HEPH: variants seen among roughly 807,000 people sequenced by gnomAD.
The protein encoded by HEPH is hephaestin.
In HEPH, 69 loss-of-function variants were observed where a neutral mutation model predicts 80.8. The observed-to-expected ratio is 0.85, with a 90% CI of 0.70 to 1.04. The LOEUF (loss-of-function observed/expected upper bound fraction) is 1.04. Among genes scored for constraint, HEPH ranks in the 50% least tolerant of loss-of-function variants. The pLI, the probability that HEPH is intolerant of heterozygous loss-of-function variation, is 0.00. For synonymous variants in HEPH, 431 were observed against 322.8 expected (o/e 1.34, Z -3.60); for missense variants, 1,115 against 891.3 (o/e 1.25, Z -3.20).
chrX:66,263,376 A>T (rs1165928943), intron 19 of HEPH, among the ~76,000 whole-genome samples: 1 of 111,509 alleles, frequency 9.0e-6, no homozygotes, highest in Non-Finnish European at 1.9e-5. Flanking sequence ...GGATAGAGGA[A>T]GTGCCAAGAA....
chrX:66,233,394 C>T (rs1050076885), intron 15 of HEPH, among the ~76,000 whole-genome samples: 9 of 111,305 alleles, frequency 8.1e-5, no homozygotes, highest in Admixed American at 3.9e-4. Flanking sequence ...GTAATGACAA[C>T]AATTCTGGGT....
At chrX:66,211,750 A>G (rs1322319296) in intron 15 of HEPH, among the ~76,000 whole-genome samples, 1 of 112,086 alleles carries the variant, frequency 8.9e-6, no homozygotes, top group Non-Finnish European at 1.9e-5. Flanking sequence ...CTTGATGAAC[A>G]CAGGTTGATT....
chrX:66,217,088 A>G (rs1464510474), intron 15 of HEPH, among the ~76,000 whole-genome samples: 6 of 111,197 alleles, frequency 5.4e-5, no homozygotes, highest in Non-Finnish European at 1.1e-4. Context: ...AGAGAAATCT[A>G]AAAGTTTGGA....
Position 66,197,663 on chromosome X carries a change from G to C in HEPH, c.1502-20G>C. 8.6e-7 allele frequency: 1 copy of C among 1,165,564 alleles called. No individual in the cohort carries two copies. ...TCATTCTAGTCAATCTAAGTAATGA[G>C]TCCCATATTTTCACTACAGGCTCAT... On this transcript the variant is annotated intron_variant, in intron 9 of 20. Coordinates refer to ENST00000343002, the MANE Select transcript of HEPH (RefSeq NM_001367233.3).
At chrX:66,228,470 G>T (rs999577169) in intron 15 of HEPH, among the ~76,000 whole-genome samples, 4 of 112,920 alleles carry the variant, frequency 3.5e-5, no homozygotes, top group African/African-American at 1.3e-4. Context: ...ACATTGGCTT[G>T]TGCCAAGATT....
intron 15 of HEPH, among the ~76,000 whole-genome samples, chrX:66,234,510 T>G (rs1008431069): frequency 6.3e-5 from 7 of 111,596 alleles, no homozygotes; most frequent in Non-Finnish European, 1.3e-4. Context: ...CCACCATGGT[T>G]GAATTAATTT....
intron 15 of HEPH, among the ~76,000 whole-genome samples, chrX:66,215,368 T>TA (rs2089340700): frequency 9.0e-6 from 1 of 111,185 alleles, no homozygotes; most frequent in Non-Finnish European, 1.9e-5. Context: ...TTCTATCTCT[T>TA]ATTCCTTTCC....
chrX:66,230,915 A>G lies in HEPH; in HGVS notation c.2563+22669A>G, dbSNP rs1219539157. Among the ~76,000 whole-genome samples, 192 of 101,757 alleles carry G rather than the reference A, an allele frequency of 1.9e-3. 1 individual carries two copies. Among genetic ancestry groups the G allele is most frequent in the South Asian group, 3.9e-3 (8 of 2,059 alleles). 88.4% of individuals were successfully genotyped at this position (101,757 alleles called of 115,157 possible). On this transcript the variant is annotated intron_variant, in intron 15 of 20. Transcript: ENST00000343002. The stretch of plus-strand genomic sequence containing the variant: ...TAGGGTTTTTATGGTTTTAGGTCTA[A>G]CGTTTAAATCTTTAATCCATCTTGA...
At chrX:66,198,060 C>A (rs1272528288) in intron 10 of HEPH, among the ~76,000 whole-genome samples, 166 bp downstream of exon 10, 1 of 111,815 alleles carries the variant, frequency 8.9e-6, no homozygotes, top group Non-Finnish European at 1.9e-5. Context: ...TACTATCTTG[C>A]ATGTTATTTT....
chrX:66,255,204 C>A, intron 16 of HEPH, 63 bp downstream of exon 16: 2 of 727,929 alleles, frequency 2.7e-6, no homozygotes, highest in South Asian at 2.7e-5. Context: ...AGCTATTAAC[C>A]AGGTGTAGTA....
At chrX:66,189,447 T>A (rs1361081742) in intron 5 of HEPH, among the ~76,000 whole-genome samples, 1 of 112,210 alleles carries the variant, frequency 8.9e-6, no homozygotes, top group African/African-American at 3.2e-5. Flanking sequence ...GGGAAAGAAG[T>A]AACTTCACCT....
intron 4 of HEPH, among the ~76,000 whole-genome samples, chrX:66,175,039 G>A (rs920504106): frequency 9.0e-6 from 1 of 111,163 alleles, no homozygotes; most frequent in African/African-American, 3.3e-5. Flanking sequence ...CCAAGTGTTT[G>A]TTTTGATTGC....
intron 15 of HEPH, among the ~76,000 whole-genome samples, chrX:66,208,973 A>T (rs1229873733): frequency 9.1e-6 from 1 of 109,897 alleles, no homozygotes; most frequent in East Asian, 2.9e-4. Context: ...TCCTAATACT[A>T]AATATAGAAT....
chrX:66,244,652 C>T (rs772902711), intron 15 of HEPH, among the ~76,000 whole-genome samples: 22 of 111,350 alleles, frequency 2.0e-4, no homozygotes, highest in African/African-American at 6.2e-4. Flanking sequence ...TTATTTCTGA[C>T]ATTTTACCCA....
chrX:66,220,804 T>C (rs1264586476), intron 15 of HEPH, among the ~76,000 whole-genome samples: 1 of 111,311 alleles, frequency 9.0e-6, no homozygotes, highest in Admixed American at 9.5e-5. Context: ...TTAATCTTAC[T>C]TCAAAAACTG....
chrX:66,173,772 T>C lies in HEPH; in HGVS notation c.596T>C (p.Leu199Pro). ...GCTCCACGAGACATTGCAACTGGCC[T>C]AATTGGGCCTCTCATCACCTGTAAA... is the stretch of plus-strand genomic sequence containing the variant. ...VDAPRDIATG[L>P]IGPLITCKRG... is the part of the protein sequence containing the mutation. Residue 199 changes from leucine (L) to proline (P), a missense_variant, in exon 4 of 21, where the codon CTA becomes CCA. Leu to Pro is a moderately conservative substitution (Grantham distance 98, BLOSUM62 -3). This residue lies in a region of HEPH where 391 missense variants were observed against 343.6 expected (regional missense o/e 1.14). Transcript: ENST00000343002. 8.4e-7 allele frequency: 1 copy of C among 1,197,018 alleles called. No homozygotes were observed. The highest frequency in any genetic ancestry group is 3.0e-5 in the East Asian group (1 of 33,254).
intron 12 of HEPH, among the ~76,000 whole-genome samples, chrX:66,201,200 C>T (rs372396803): frequency 1.8e-5 from 2 of 110,474 alleles, no homozygotes; most frequent in Non-Finnish European, 3.8e-5. Context: ...TCTTTCTACC[C>T]ATGATGCGCC....
chrX:66,177,607 T>C (rs903772260), intron 4 of HEPH, among the ~76,000 whole-genome samples: 1 of 112,239 alleles, frequency 8.9e-6, no homozygotes, highest in South Asian at 3.6e-4. Flanking sequence ...GGATTTTCCC[T>C]CTTCTTTTCT....
At chrX:66,257,112 G>T (rs752008922) in intron 17 of HEPH, among the ~76,000 whole-genome samples, 1 of 112,226 alleles carries the variant, frequency 8.9e-6, no homozygotes, top group African/African-American at 3.2e-5. Flanking sequence ...TTATCCCACA[G>T]ATTTTAGCTA....
Sources: allele counts gnomAD v4.1 joint callset (sites outside exome capture counted in the v4.1 genomes callset), GRCh38; gene constraint gnomAD v4.1.1; regional missense constraint gnomAD v4.1.1; transcripts MANE v1.5; gene names NCBI Gene and HGNC (gene_info 2026-07-23, HGNC 2026-07-21).